The following SOCS6 variants were observed in gnomAD, a reference collection of about 807,000 sequenced individuals.
The protein encoded by SOCS6 is STAT induced STAT inhibitor-4.
Under a neutral mutation model 27.7 loss-of-function variants are expected in SOCS6, and 5 were observed. That is an observed-to-expected ratio of 0.18 (90% CI 0.09 to 0.38). The LOEUF is 0.38. Ranked by LOEUF, SOCS6 falls within the 10% of genes least tolerant of loss-of-function variation. SOCS6 has a pLI of 1.00. For missense variants in SOCS6, 595 were observed against 688.1 expected, an observed-to-expected ratio of 0.86 and a Z score of 1.51; for synonymous variants, 271 against 260.0, an observed-to-expected ratio of 1.04 and a Z score of -0.41.
intron 1 of SOCS6, among the ~76,000 whole-genome samples, chr18:70,305,108 G>A (rs988921615): frequency 9.0e-6 from 1 of 110,988 alleles, no homozygotes; most frequent in African/African-American, 3.6e-5. Flanking sequence ...TGGGGAGGCC[G>A]ACGCAGGAGA....
Position 70,325,285 on chromosome 18 carries a change from A to G in SOCS6, c.617A>G (p.Asp206Gly). 1 of 1,614,216 alleles carries G rather than the reference A, an allele frequency of 6.2e-7. No individual in the cohort carries two copies. The highest frequency in any genetic ancestry group is 2.2e-5 in the East Asian group (1 of 44,882). Residue 206 changes from aspartate to glycine, a missense_variant, in exon 2 of 2, where the codon GAT becomes GGT. By Grantham distance (94) the Asp-to-Gly change is moderately conservative. This residue lies in a region of SOCS6 where 467 missense variants were observed against 481.1 expected (regional missense o/e 0.97). Coordinates refer to ENST00000397942, the MANE Select transcript of SOCS6 (RefSeq NM_004232.4). The surrounding 1 kb of genome is among the most constrained non-coding windows in gnomAD (Gnocchi z 6.3). ...SHNGDLHLHL[D>G]EHVPVVIGLM... Reference sequence around the variant, plus strand: ...AATGGAGACCTGCATCTTCACCTGGATGAACATGTGCCTGTCGTTATTGGA... The same window carrying G: ...AATGGAGACCTGCATCTTCACCTGGGTGAACATGTGCCTGTCGTTATTGGA...
chr18:70,300,991 T>C (rs1490998198), intron 1 of SOCS6, among the ~76,000 whole-genome samples: 1 of 152,250 alleles, frequency 6.6e-6, no homozygotes, highest in Non-Finnish European at 1.5e-5. Context: ...ATTCCATTTA[T>C]TATGCAAATG....
chr18:70,317,558 C>CGTAT (rs2062417987), intron 1 of SOCS6, among the ~76,000 whole-genome samples: 1 of 118,970 alleles, frequency 8.4e-6, no homozygotes. Flanking sequence ...TATACATACA[C>CGTAT]ACACACACAC....
intron 1 of SOCS6, among the ~76,000 whole-genome samples, chr18:70,320,248 C>G (rs1361739905): frequency 6.6e-6 from 1 of 152,138 alleles, no homozygotes. Context: ...CTCAGCTTCC[C>G]AGAGTGCTGG....
rs910095698 is a variant in SOCS6 at position 70,289,976 on chromosome 18, T to C, written c.-127+886T>C. ...GTGTGTGTGCCAACTTAACGTTCAG[T>C]TGGAATGTGAAATTGGGGTTCCCAT... On this transcript the variant is annotated intron_variant, in intron 1 of 1. Transcript: ENST00000397942. Among the ~76,000 whole-genome samples the C allele has an allele frequency of 2.6e-5, 4 of 152,172 alleles. No homozygotes were observed. The East Asian group carries it at 7.7e-4, about 29-fold the overall frequency.
intron 1 of SOCS6, among the ~76,000 whole-genome samples, chr18:70,294,090 A>T (rs1264774840): frequency 1.6e-5 from 2 of 125,780 alleles, no homozygotes; most frequent in African/African-American, 6.0e-5. Flanking sequence ...GACTCCGTTT[A>T]AAAAAAAAAA....
At chr18:70,321,577 G>T (rs1369411396) in intron 1 of SOCS6, among the ~76,000 whole-genome samples, 3 of 147,896 alleles carry the variant, frequency 2.0e-5, no homozygotes, top group Admixed American at 6.9e-5. Context: ...CAGGTGATCC[G>T]CCTCGGCCTC....
Position 70,329,200 on chromosome 18 carries a change from A to G in SOCS6, c.*2924A>G, listed in dbSNP as rs1332726324. On this transcript the variant is annotated 3_prime_UTR_variant, in exon 2 of 2. Coordinates refer to ENST00000397942, the MANE Select transcript of SOCS6 (RefSeq NM_004232.4). ...TTTCTGTCTAAGGAAAACTCTTTCT[A>G]CTTGGTGCAATAATCTGAAAATTTA... is the stretch of plus-strand genomic sequence containing the variant. The G allele has an allele frequency of 6.0e-6, 1 of 167,126 alleles. No homozygotes were observed. The highest frequency in any genetic ancestry group is 1.9e-4 in the East Asian group (1 of 5,208). The allele number at this position is 167,126 out of a possible 1,614,324, so 10.4% of individuals were successfully genotyped here. A position where few individuals can be genotyped will look rare whatever the true frequency, so the allele number is the denominator to read the frequency against.
chr18:70,293,579 A>G (rs1039548051), intron 1 of SOCS6, among the ~76,000 whole-genome samples: 3 of 152,190 alleles, frequency 2.0e-5, no homozygotes, highest in Admixed American at 2.0e-4. Context: ...CTGGTGTAGA[A>G]TTAAGCCAGA....
At chr18:70,315,824 A>C (rs1462000133) in intron 1 of SOCS6, among the ~76,000 whole-genome samples, 3 of 152,038 alleles carry the variant, frequency 2.0e-5, no homozygotes, top group Admixed American at 2.0e-4. Context: ...ACCCAGTTTT[A>C]GGGTCTTGCA....
chr18:70,289,411 G>A (rs1474872786), intron 1 of SOCS6, among the ~76,000 whole-genome samples: 5 of 147,322 alleles, frequency 3.4e-5, no homozygotes, highest in Non-Finnish European at 1.5e-5. Context: ...CGAGGCCTGC[G>A]CGGCCGCGGA....
intron 1 of SOCS6, among the ~76,000 whole-genome samples, chr18:70,310,108 G>T (rs1204529499): frequency 2.0e-5 from 3 of 152,148 alleles, no homozygotes; most frequent in Admixed American, 6.5e-5. Context: ...TATATTTATA[G>T]TATTTTAAAT....
chr18:70,308,116 T>C (rs2062376639), intron 1 of SOCS6, among the ~76,000 whole-genome samples: 1 of 152,236 alleles, frequency 6.6e-6, no homozygotes. Context: ...TTAGAAATAT[T>C]CGGTGTTTTT....
intron 1 of SOCS6, among the ~76,000 whole-genome samples, chr18:70,291,749 T>G (rs957800864): frequency 6.6e-6 from 1 of 152,194 alleles, no homozygotes; most frequent in Non-Finnish European, 1.5e-5. Context: ...CGTGACCTCT[T>G]CCAATTCTGG....
At position 70,324,850 on chromosome 18, in the gene SOCS6, A is replaced by G; in HGVS notation, c.182A>G (p.Glu61Gly). Reference sequence around the variant, plus strand: ...AGCTGCGATATCAACGGTGAAGATGAAAAAGGCGGAAAAAACAGATCAAAA... The same window carrying G: ...AGCTGCGATATCAACGGTGAAGATGGAAAAGGCGGAAAAAACAGATCAAAA... The part of the protein sequence containing the change: ...MASCDINGED[E>G]KGGKNRSKSE... Residue 61 changes from glutamate (E) to glycine (G), a missense_variant, in exon 2 of 2, where the codon GAA becomes GGA. This residue lies in a region of SOCS6 where 467 missense variants were observed against 481.1 expected (regional missense o/e 0.97). Coordinates refer to ENST00000397942, the MANE Select transcript of SOCS6 (RefSeq NM_004232.4). The G allele has an allele frequency of 6.2e-7, 1 of 1,614,156 alleles. No homozygotes were observed. The highest frequency in any genetic ancestry group is 8.5e-7 in the Non-Finnish European group (1 of 1,180,010).
Position 70,326,102 on chromosome 18 carries a change from T to G in SOCS6, c.1434T>G (p.Pro478=). ...GAFCYSRSRL[P]GSATYPVRLT... The stretch of plus-strand genomic sequence containing the variant: ...TTTGTTATTCAAGGTCTCGGCTGCC[T>G]GGATCTGCAACTTACCCCGTCAGAC... The change falls in exon 2 of 2, where the codon CCT becomes CCG. Residue 478 remains proline, a synonymous_variant. Coordinates refer to ENST00000397942, the MANE Select transcript of SOCS6 (RefSeq NM_004232.4). 3 of 1,614,218 alleles carry G rather than the reference T, an allele frequency of 1.9e-6. No homozygotes were observed. Among genetic ancestry groups the G allele is most frequent in the Non-Finnish European group, 2.5e-6 (3 of 1,180,042 alleles).
Position 70,325,253 on chromosome 18 carries a change from T to C in SOCS6, c.585T>C (p.Ala195=). The change falls in exon 2 of 2, where the codon GCT becomes GCC. Residue 195 remains alanine (A), a synonymous_variant. Transcript: ENST00000397942. The surrounding 1 kb of genome is among the most constrained non-coding windows in gnomAD (Gnocchi z 6.3). The part of the protein sequence containing the change: ...QEQANSLKSS[A]SHNGDLHLHL... ...AAGCCAATTCACTGAAGAGCTCGGC[T>C]TCTCATAATGGAGACCTGCATCTTC... is the stretch of plus-strand genomic sequence containing the variant. 6.2e-7 allele frequency: 1 copy of C among 1,614,202 alleles called. No homozygotes were observed. The highest frequency in any genetic ancestry group is 2.2e-5 in the East Asian group (1 of 44,882).
rs2062354299 is a variant in SOCS6 at position 70,302,824 on chromosome 18, G to A, written c.-127+13734G>A. Among the ~76,000 whole-genome samples the A allele has an allele frequency of 2.0e-5, 3 of 151,340 alleles. No homozygotes were observed. In the Admixed American group the frequency reaches 2.0e-4, roughly 10 times the overall value. On this transcript the variant is annotated intron_variant, in intron 1 of 1. Coordinates refer to ENST00000397942, the MANE Select transcript of SOCS6 (RefSeq NM_004232.4). ...AAAAGTTATTTTGAGCAGGTAAAGAGGAGGAGGCTGTCTAGGTTCTACCAA... is the reference window on the plus strand; with the variant it reads ...AAAAGTTATTTTGAGCAGGTAAAGAAGAGGAGGCTGTCTAGGTTCTACCAA...
intron 1 of SOCS6, among the ~76,000 whole-genome samples, chr18:70,314,656 G>GAACAT (rs1326167024): frequency 1.3e-5 from 2 of 152,138 alleles, no homozygotes; most frequent in African/African-American, 4.8e-5. Context: ...ATATTTCTCA[G>GAACAT]AACATACCTG....
Sources: gnomAD v4.1 joint callset for allele counts (sites outside exome capture counted in the v4.1 genomes callset) on GRCh38, gnomAD v4.1.1 for gene constraint, gnomAD v4.1.1 regional missense constraint, Gnocchi (gnomAD v3.1) non-coding constraint, MANE v1.5 for transcripts, NCBI Gene and HGNC (gene_info 2026-07-23, HGNC 2026-07-21) for gene names.